The following TENM3 variants were observed in gnomAD, a reference collection of about 807,000 sequenced individuals.
TENM3 encodes the protein teneurin transmembrane protein 3, also known as teneurin-3.
TENM3 carries 63 observed loss-of-function variants against 255.1 expected under a neutral mutation model. The ratio of observed to expected loss-of-function variants is 0.25; its 90% confidence interval spans 0.20 to 0.30. The LOEUF is 0.30. TENM3 is among the 10% of genes least tolerant of loss of function. TENM3 has a pLI of 1.00. For missense variants in TENM3, 2,929 were observed against 3,461.1 expected (o/e 0.85, Z 3.86); for synonymous variants, 1,306 against 1,322.3 (o/e 0.99, Z 0.27).
rs115863846 is a variant in TENM3, at chr4:182,797,872, A to G, written c.7344+1105A>G. Among the ~76,000 whole-genome samples the G allele has an allele frequency of 8.7e-3, 1,323 of 152,308 alleles. 14 individuals are homozygous for G. The highest frequency in any genetic ancestry group is 0.014 in the Non-Finnish European group (971 of 68,018). On this transcript the variant is annotated intron_variant, in intron 27 of 27. Coordinates refer to ENST00000511685, the MANE Select transcript of TENM3 (RefSeq NM_001080477.4). ...AGAGGCAGCCATGGTTAACACACAC[A>G]CAGGCTATCTACAGTACCAGTACCT...
chr4:181,490,878 G>C, the TENM3 span, among the ~76,000 whole-genome samples: 10 of 152,046 alleles, frequency 6.6e-5, no homozygotes, highest in Admixed American at 2.0e-4. Flanking sequence ...TCTGTCTTCA[G>C]ATTTTTCAAG....
chr4:181,470,108 T>TAAAAAAAAAAAAAAAAAAAAAAAA, the TENM3 span, among the ~76,000 whole-genome samples: 19 of 112,744 alleles, frequency 1.7e-4, no homozygotes, highest in African/African-American at 6.2e-4. Flanking sequence ...ATAGCTTCTG[T>TAAAAAAAAAAAAAAAAAAAAAAAA]AAAAAAAAAA....
the TENM3 span, among the ~76,000 whole-genome samples, chr4:181,528,652 G>A: frequency 3.9e-5 from 6 of 152,136 alleles, no homozygotes; most frequent in Non-Finnish European, 8.8e-5. Context: ...TTACAAATAA[G>A]GAAAGTGAGG....
the TENM3 span, among the ~76,000 whole-genome samples, chr4:181,673,845 GGTGTGTGT>G: frequency 0.067 from 9,177 of 137,390 alleles, 359 homozygotes; most frequent in Middle Eastern, 0.15. Context: ...AGAAGTGTGT[GGTGTGTGT>G]GTGTGTGTGT....
intron 1 of TENM3, among the ~76,000 whole-genome samples, chr4:182,183,351 T>C (rs1361844443): frequency 6.6e-6 from 1 of 152,182 alleles, no homozygotes; most frequent in Non-Finnish European, 1.5e-5. Context: ...TTCCACTGTT[T>C]AACCAGTTAT....
At chr4:182,084,638 C>A in the TENM3 span, among the ~76,000 whole-genome samples, 1 of 152,066 alleles carries the variant, frequency 6.6e-6, no homozygotes, top group Non-Finnish European at 1.5e-5. Context: ...AAGATGACAA[C>A]ACAGATGAAG....
chr4:181,850,269 A>G, the TENM3 span, among the ~76,000 whole-genome samples: 77 of 152,090 alleles, frequency 5.1e-4, no homozygotes, highest in African/African-American at 1.7e-3. Context: ...GATATCTCCA[A>G]TGCTTTAATG....
the TENM3 span, among the ~76,000 whole-genome samples, chr4:181,560,487 G>A: frequency 2.0e-5 from 3 of 152,072 alleles, no homozygotes; most frequent in South Asian, 2.1e-4. Flanking sequence ...GAAGGGTATC[G>A]GTGAAAGGAG....
chr4:182,192,712 T>G (rs1034975229), intron 1 of TENM3, among the ~76,000 whole-genome samples: 1 of 152,230 alleles, frequency 6.6e-6, no homozygotes, highest in African/African-American at 2.4e-5. Flanking sequence ...ATGGAATGTT[T>G]TCTCCTTTCC....
At chr4:181,915,315 C>T in the TENM3 span, among the ~76,000 whole-genome samples, 1 of 152,050 alleles carries the variant, frequency 6.6e-6, no homozygotes, top group Non-Finnish European at 1.5e-5. Flanking sequence ...CAGCACATTC[C>T]CTTGGATTCA....
At chr4:182,773,254 G>T (rs1211360905) in intron 22 of TENM3, among the ~76,000 whole-genome samples, 1 of 152,278 alleles carries the variant, frequency 6.6e-6, no homozygotes, top group Non-Finnish European at 1.5e-5. Context: ...ATGGAGAGCT[G>T]GTCTGTTTAC....
rs556697950 is a variant in TENM3 at position 182,688,134 on chromosome 4, C to G, written c.2036-32C>G. 1.4e-4 allele frequency: 220 copies of G among 1,548,138 alleles called. 1 individual carries two copies. The South Asian group carries it at 2.4e-3, about 17-fold the overall frequency. ...CCCTTCTCTCTCCCGCCACTCTTCTCTCCTGTTTTGTGTCCTCTTCCTCCC... is the reference window on the plus strand; with the variant it reads ...CCCTTCTCTCTCCCGCCACTCTTCTGTCCTGTTTTGTGTCCTCTTCCTCCC... On this transcript the variant is annotated intron_variant, in intron 11 of 27. Transcript: ENST00000511685.
chr4:182,281,665 A>G (rs61260635), intron 1 of TENM3, among the ~76,000 whole-genome samples: 1 of 152,150 alleles, frequency 6.6e-6, no homozygotes, highest in Admixed American at 6.5e-5. Context: ...GTAGAACCCA[A>G]ACTACTTAAT....
the TENM3 span, among the ~76,000 whole-genome samples, chr4:181,665,199 T>C: frequency 6.6e-6 from 1 of 152,194 alleles, no homozygotes; most frequent in African/African-American, 2.4e-5. Flanking sequence ...ATCATCTCTT[T>C]GATAAACTTT....
intron 1 of TENM3, among the ~76,000 whole-genome samples, chr4:182,288,401 C>A (rs7684652): frequency 0.028 from 4,275 of 152,206 alleles, 202 homozygotes; most frequent in African/African-American, 0.097. Context: ...AGCCCCCATC[C>A]CTTCTGGAAT....
At chr4:182,126,007 C>A in the TENM3 span, among the ~76,000 whole-genome samples, 3 of 151,950 alleles carry the variant, frequency 2.0e-5, no homozygotes. Flanking sequence ...AAAATTCTGA[C>A]CCACTTAAAA....
At chr4:182,209,594 A>C (rs2149879881) in intron 1 of TENM3, among the ~76,000 whole-genome samples, 1 of 151,168 alleles carries the variant, frequency 6.6e-6, no homozygotes, top group South Asian at 2.1e-4. Flanking sequence ...TAGCCGAGTA[A>C]AGTTCTTGAA....
intron 5 of TENM3, among the ~76,000 whole-genome samples, chr4:182,650,616 C>G (rs1561055555): frequency 6.7e-6 from 1 of 149,418 alleles, no homozygotes; most frequent in African/African-American, 2.4e-5. Flanking sequence ...TCTCGTCTCT[C>G]TCTCTCCTCT....
intron 1 of TENM3, among the ~76,000 whole-genome samples, chr4:182,161,051 G>A (rs975123281): frequency 3.3e-5 from 5 of 152,106 alleles, no homozygotes; most frequent in Admixed American, 2.0e-4. Flanking sequence ...GGCTGAGGTG[G>A]GTGGATCACT....
Sources: gnomAD v4.1 joint callset for allele counts (sites outside exome capture counted in the v4.1 genomes callset) on GRCh38, gnomAD v4.1.1 for gene constraint, MANE v1.5 for transcripts, NCBI Gene and HGNC (gene_info 2026-07-23, HGNC 2026-07-21) for gene names.